Variants in MED13L observed in about 807,000 individuals in gnomAD.
The protein encoded by MED13L is mediator of RNA polymerase II transcription subunit 13-like.
MED13L carries 7 observed loss-of-function variants against 220.9 expected under a neutral mutation model. That is an observed-to-expected ratio of 0.03 (90% confidence interval 0.02 to 0.06). The LOEUF (loss-of-function observed/expected upper bound fraction) is 0.06. MED13L is among the 10% of genes least tolerant of loss of function. The pLI, the probability that MED13L is intolerant of heterozygous loss-of-function variation, is 1.00. For missense variants in MED13L, 1,965 were observed against 2,760.5 expected (o/e 0.71, Z 6.46); for synonymous variants, 1,011 against 1,015.2 (o/e 1.00, Z 0.08).
At chr12:116,193,758 T>C (rs1374332736) in intron 2 of MED13L, among the ~76,000 whole-genome samples, 4 of 152,198 alleles carry the variant, frequency 2.6e-5, no homozygotes, top group African/African-American at 9.7e-5. Flanking sequence ...TCTGCTTCTC[T>C]AGAGAAAGGA....
chr12:115,997,300 GCGC>G, intron 14 of MED13L, 70 bp from the exon 15 acceptor site: 1 of 1,350,420 alleles, frequency 7.4e-7, no homozygotes. Context: ...TTATAGCCAG[GCGC>G]ACTCTTTGGC....
intron 26 of MED13L, 80 bp from the exon 27 acceptor site, chr12:115,970,850 G>A (rs1054612359): frequency 3.7e-5 from 49 of 1,318,994 alleles, no homozygotes; most frequent in Non-Finnish European, 2.2e-5. Flanking sequence ...ATCTGGAGTG[G>A]TATGAGTCTG....
chr12:116,008,305 A>C, intron 10 of MED13L, 96 bp downstream of exon 10: 1 of 1,477,414 alleles, frequency 6.8e-7, no homozygotes, highest in South Asian at 1.4e-5. Flanking sequence ...AGAAAAGCCT[A>C]CTTCAATTTT....
At chr12:116,169,642 A>G (rs1879532995) in intron 2 of MED13L, among the ~76,000 whole-genome samples, 1 of 152,252 alleles carries the variant, frequency 6.6e-6, no homozygotes, top group African/African-American at 2.4e-5. Flanking sequence ...AGTTAATTGC[A>G]GATACCTTTC....
At chr12:115,964,409 C>T (rs1875995595) in intron 29 of MED13L, among the ~76,000 whole-genome samples, 1 of 152,212 alleles carries the variant, frequency 6.6e-6, no homozygotes, top group Non-Finnish European at 1.5e-5. Context: ...CATGATTCAT[C>T]ACTGGGTTCA....
intron 4 of MED13L, among the ~76,000 whole-genome samples, chr12:116,088,623 T>A (rs1263381829): frequency 2.0e-5 from 3 of 150,984 alleles, no homozygotes; most frequent in Admixed American, 6.6e-5. Context: ...AACCCTAGGA[T>A]AAAAGAAGTA....
chr12:115,990,323 C>A (rs529318840), intron 17 of MED13L, among the ~76,000 whole-genome samples: 1 of 152,172 alleles, frequency 6.6e-6, no homozygotes, highest in South Asian at 2.1e-4. Flanking sequence ...TAATAATATG[C>A]GTGCTTGTGT....
chr12:116,148,558 ACTTCTTTGCTTGTTTTATTTCTATAT>A (rs1167408185), intron 2 of MED13L: 3 of 313,686 alleles, frequency 9.6e-6, no homozygotes, highest in Non-Finnish European at 2.1e-5. Context: ...CATACTAAAA[ACTTCTTTGCTTGTTTTATTTCTATAT>A]CTATCTCCAT....
chr12:116,125,558 T>A (rs867262064), intron 2 of MED13L, among the ~76,000 whole-genome samples: 1 of 152,176 alleles, frequency 6.6e-6, no homozygotes, highest in South Asian at 2.1e-4. Flanking sequence ...AATTTTAGAA[T>A]TACACAAGCT....
chr12:116,165,251 G>C (rs1033615293), intron 2 of MED13L, among the ~76,000 whole-genome samples: 2 of 142,690 alleles, frequency 1.4e-5, no homozygotes, highest in Non-Finnish European at 3.0e-5. Flanking sequence ...AATGAAGTAG[G>C]CACCATCCTT....
chr12:116,218,836 T>C (rs1593177051), intron 2 of MED13L, among the ~76,000 whole-genome samples: 1 of 152,122 alleles, frequency 6.6e-6, no homozygotes, highest in East Asian at 1.9e-4. Context: ...CAGTCTCAAG[T>C]GATCCTCCAG....
chr12:116,215,129 A>G (rs1000643254), intron 2 of MED13L, among the ~76,000 whole-genome samples: 12 of 152,194 alleles, frequency 7.9e-5, no homozygotes, highest in Non-Finnish European at 1.8e-4. Context: ...GCAGTGTAAA[A>G]TATCTTATTT....
intron 16 of MED13L, among the ~76,000 whole-genome samples, chr12:115,994,418 C>A (rs1224056761): frequency 2.0e-5 from 3 of 152,102 alleles, no homozygotes; most frequent in Non-Finnish European, 4.4e-5. Flanking sequence ...CCACTGTACT[C>A]CAGCCCAGGT....
intron 4 of MED13L, chr12:116,082,761 T>C (rs924978477): frequency 2.6e-5 from 4 of 152,158 alleles, no homozygotes; most frequent in African/African-American, 7.2e-5. Flanking sequence ...TGGGTCCTAA[T>C]AGTCAACAGG....
intron 4 of MED13L, among the ~76,000 whole-genome samples, chr12:116,039,185 T>C (rs1331137776): frequency 4.6e-5 from 7 of 152,238 alleles, no homozygotes; most frequent in African/African-American, 1.7e-4. Context: ...AAAAGAAATC[T>C]ACCTTTTCAC....
At chr12:116,229,871 G>A (rs1869384765) in intron 2 of MED13L, among the ~76,000 whole-genome samples, 1 of 151,970 alleles carries the variant, frequency 6.6e-6, no homozygotes, top group Admixed American at 6.6e-5. Context: ...TATAGCTTTG[G>A]CAAACTCATT....
At position 116,106,960 on chromosome 12, in the gene MED13L, A is replaced by C. The variant is rs114859725; in HGVS notation, c.395+4468T>G. ...TCTCCCACTCTGAAAAGGTAATACC[A>C]ATACTTCTGTTAGCTAGTATCAACA... On this transcript the variant is annotated intron_variant, in intron 3 of 30. Coordinates refer to ENST00000281928, the MANE Select transcript of MED13L (RefSeq NM_015335.5). Among the ~76,000 whole-genome samples the C allele has an allele frequency of 9.1e-3, 1,389 of 152,318 alleles. 24 individuals carry two copies. The highest frequency in any genetic ancestry group is 0.032 in the African/African-American group (1,344 of 41,566).
At chr12:116,276,527 T>C (rs932784230) in intron 1 of MED13L, 1 of 1,280,806 alleles carries the variant, frequency 7.8e-7, no homozygotes, top group African/African-American at 1.5e-5. Context: ...GAGCTTCGGG[T>C]GCAAGAGTCC....
chr12:116,266,935 G>A (rs1872875657), intron 1 of MED13L, among the ~76,000 whole-genome samples: 2 of 152,188 alleles, frequency 1.3e-5, no homozygotes. Context: ...TTAGCCAGTA[G>A]CTGAGTTCTC....
Sources: gnomAD v4.1 joint callset for allele counts (sites outside exome capture counted in the v4.1 genomes callset) on GRCh38, gnomAD v4.1.1 for gene constraint, MANE v1.5 for transcripts, NCBI Gene and HGNC (gene_info 2026-07-23, HGNC 2026-07-21) for gene names.